The following ANKS1B variants were observed in gnomAD, a reference collection of about 807,000 sequenced individuals.
The protein encoded by ANKS1B is ankyrin repeat and sterile alpha motif domain-containing protein 1B.
Under a neutral mutation model 148.3 loss-of-function variants are expected in ANKS1B, and 36 were observed. That is an observed-to-expected ratio of 0.24 (90% CI 0.19 to 0.32). The LOEUF (loss-of-function observed/expected upper bound fraction) is 0.32. Among genes scored for constraint, ANKS1B ranks in the 10% least tolerant of loss-of-function variants. ANKS1B has a pLI of 1.00. For synonymous variants in ANKS1B, 542 were observed against 560.8 expected (o/e 0.97, Z 0.47); for missense variants, 1,157 against 1,542.6 (o/e 0.75, Z 4.19).
chr12:98,786,221 T>C (rs191220993), intron 22 of ANKS1B, among the ~76,000 whole-genome samples: 2 of 152,344 alleles, frequency 1.3e-5, no homozygotes, highest in East Asian at 3.9e-4. Flanking sequence ...AGAGAAATGA[T>C]ATTTAGTTAT....
At chr12:98,755,201 AT>A (rs1322643386) in intron 25 of ANKS1B, among the ~76,000 whole-genome samples, 1 of 152,204 alleles carries the variant, frequency 6.6e-6, no homozygotes, top group Non-Finnish European at 1.5e-5. Context: ...TGTAGGTTCA[AT>A]TCTCCTGCCT....
chr12:99,254,793 T>C (rs992435776), intron 12 of ANKS1B, among the ~76,000 whole-genome samples: 1 of 152,208 alleles, frequency 6.6e-6, no homozygotes. Context: ...TTTACTCTGT[T>C]AGTGTGAATG....
At chr12:99,010,760 A>C (rs7308288) in intron 17 of ANKS1B, among the ~76,000 whole-genome samples, 4 of 132,692 alleles carry the variant, frequency 3.0e-5, no homozygotes, top group African/African-American at 1.2e-4. Context: ...TATTATTATT[A>C]TTTTTTTTTG....
chr12:99,593,495 G>A (rs1035295936), intron 9 of ANKS1B, among the ~76,000 whole-genome samples: 8 of 152,194 alleles, frequency 5.3e-5, no homozygotes, highest in Admixed American at 2.0e-4. Context: ...AACATTCTCT[G>A]CAACAAATAA....
At chr12:99,650,308 CCT>C (rs72449649) in intron 9 of ANKS1B, among the ~76,000 whole-genome samples, 17,821 of 151,054 alleles carry the variant, frequency 0.12, 1,742 homozygotes, top group East Asian at 0.45. Context: ...CTCTCTCTCT[CCT>C]CTCTCTCTCC....
chr12:99,376,522 T>A (rs1208622455), intron 12 of ANKS1B, among the ~76,000 whole-genome samples: 1 of 152,220 alleles, frequency 6.6e-6, no homozygotes, highest in Non-Finnish European at 1.5e-5. Context: ...AGGAAAGGAA[T>A]CCTGATTATT....
At chr12:98,827,163 A>G (rs989816594) in intron 19 of ANKS1B, among the ~76,000 whole-genome samples, 2 of 152,176 alleles carry the variant, frequency 1.3e-5, no homozygotes, top group African/African-American at 4.8e-5. Context: ...CAAAACTGCA[A>G]TTAACACCAC....
intron 9 of ANKS1B, among the ~76,000 whole-genome samples, chr12:99,642,863 G>A (rs1275335491): frequency 6.6e-6 from 1 of 151,942 alleles, no homozygotes; most frequent in Admixed American, 6.6e-5. Context: ...AACTTCAAGG[G>A]GCCACCTGTA....
chr12:98,996,591 G>T (rs898889672), intron 17 of ANKS1B, among the ~76,000 whole-genome samples: 10 of 151,984 alleles, frequency 6.6e-5, no homozygotes, highest in Non-Finnish European at 8.8e-5. Context: ...GAGGCAGGTG[G>T]ATCACGAGGT....
rs139671208 is a variant in ANKS1B, at chr12:99,570,875, T to C, written c.1273-66234A>G. Among the ~76,000 whole-genome samples the C allele has an allele frequency of 2.7e-3, 408 of 152,258 alleles. 2 individuals are homozygous for C. The highest frequency in any genetic ancestry group is 9.6e-3 in the African/African-American group (401 of 41,586). ...ATATATTTAACTTCAAGTTGGCTTA[T>C]GTTAAGCAAATAAATCAAAATATAG... On this transcript the variant is annotated intron_variant, in intron 9 of 26. Transcript: ENST00000683438.
At chr12:99,168,901 T>C (rs2077466766) in intron 14 of ANKS1B, among the ~76,000 whole-genome samples, 1 of 152,222 alleles carries the variant, frequency 6.6e-6, no homozygotes, top group Non-Finnish European at 1.5e-5. Flanking sequence ...AAAACTGTCA[T>C]AACTGCATTA....
chr12:99,334,860 C>G (rs2088452442), intron 12 of ANKS1B, among the ~76,000 whole-genome samples: 1 of 152,002 alleles, frequency 6.6e-6, no homozygotes, highest in Non-Finnish European at 1.5e-5. Flanking sequence ...TGAAATTTGT[C>G]AATATATTCT....
chr12:99,013,825 G>A (rs1267177097), intron 17 of ANKS1B, among the ~76,000 whole-genome samples: 1 of 152,030 alleles, frequency 6.6e-6, no homozygotes, highest in Non-Finnish European at 1.5e-5. Flanking sequence ...TGTCTATAAG[G>A]AGAACTACAG....
rs149078201 is a variant in ANKS1B, at chr12:99,234,499, A to C, written c.2419+9843T>G. 9.5e-4 allele frequency among the ~76,000 whole-genome samples: 144 copies of C among 152,328 alleles called. 1 individual carries two copies. Among genetic ancestry groups the C allele is most frequent in the South Asian group, 1.4e-3 (7 of 4,828 alleles). Reference sequence around the variant, plus strand: ...TTGTAAGATCAGCTGACATTCTAAGATTCTTACAGACAGGGCTTACGTGTA... The same window carrying C: ...TTGTAAGATCAGCTGACATTCTAAGCTTCTTACAGACAGGGCTTACGTGTA... On this transcript the variant is annotated intron_variant, in intron 14 of 26. Coordinates refer to ENST00000683438, the MANE Select transcript of ANKS1B (RefSeq NM_001352186.2).
At chr12:99,344,108 A>G (rs1201028619) in intron 12 of ANKS1B, among the ~76,000 whole-genome samples, 1 of 151,940 alleles carries the variant, frequency 6.6e-6, no homozygotes, top group African/African-American at 2.4e-5. Context: ...CAAACACATG[A>G]GTCTTATTAG....
At chr12:99,416,364 T>C (rs774257422) in intron 11 of ANKS1B, among the ~76,000 whole-genome samples, 2 of 152,246 alleles carry the variant, frequency 1.3e-5, no homozygotes, top group Non-Finnish European at 2.9e-5. Flanking sequence ...CTGGGATAAA[T>C]TCCCAGAAGT....
intron 15 of ANKS1B, among the ~76,000 whole-genome samples, chr12:99,142,456 T>C (rs367567107): frequency 6.6e-6 from 1 of 151,906 alleles, no homozygotes; most frequent in Non-Finnish European, 1.5e-5. Flanking sequence ...AGTAAGTGGA[T>C]AGTGTCTAGA....
At chr12:99,926,036 T>C (rs1408939444) in intron 1 of ANKS1B, among the ~76,000 whole-genome samples, 1 of 152,246 alleles carries the variant, frequency 6.6e-6, no homozygotes, top group South Asian at 2.1e-4. Context: ...ATTGGTTGCC[T>C]ATATATCCCA....
At chr12:99,672,557 G>C (rs2153471357) in intron 8 of ANKS1B, among the ~76,000 whole-genome samples, 1 of 152,214 alleles carries the variant, frequency 6.6e-6, no homozygotes, top group East Asian at 1.9e-4. Flanking sequence ...AAGAAGTGCA[G>C]CTACCTCCTC....
Sources: gnomAD v4.1 joint callset for allele counts (sites outside exome capture counted in the v4.1 genomes callset) on GRCh38, gnomAD v4.1.1 for gene constraint, MANE v1.5 for transcripts, NCBI Gene and HGNC (gene_info 2026-07-23, HGNC 2026-07-21) for gene names.